NAV2: variants seen among roughly 807,000 people sequenced by gnomAD.
NAV2 encodes the protein neuron navigator 2.
Under a neutral mutation model 223.2 loss-of-function variants are expected in NAV2, and 54 were observed. The ratio of observed to expected loss-of-function variants is 0.24; its 90% CI spans 0.19 to 0.30. The LOEUF (loss-of-function observed/expected upper bound fraction) is 0.30, where lower values mean the gene tolerates loss of function less well. Among genes scored for constraint, NAV2 ranks in the 10% least tolerant of loss-of-function variants. The pLI is 1.00. For synonymous variants in NAV2, 1,279 were observed against 1,239.3 expected (o/e 1.03, Z -0.67); for missense variants, 2,806 against 3,147.5 (o/e 0.89, Z 2.60).
chr11:20,103,837 A>G, intron 34 of NAV2, 113 bp downstream of exon 34: 1 of 953,518 alleles, frequency 1.0e-6, no homozygotes, highest in South Asian at 1.4e-5. Context: ...AGGTATTGTT[A>G]AGCATTTTTC....
At chr11:19,635,810 T>C (rs959475766) in intron 1 of NAV2, among the ~76,000 whole-genome samples, 2 of 152,324 alleles carry the variant, frequency 1.3e-5, no homozygotes, top group Non-Finnish European at 2.9e-5. Context: ...CACTATTGCA[T>C]TGGCAATTAA....
chr11:19,836,024 C>T (rs116505374), intron 2 of NAV2, among the ~76,000 whole-genome samples: 1,738 of 152,172 alleles, frequency 0.011, 30 homozygotes, highest in African/African-American at 0.039. Flanking sequence ...TTCTGGGTTC[C>T]CAACATTTAG....
intron 1 of NAV2, among the ~76,000 whole-genome samples, chr11:19,812,349 T>C (rs1325684728): frequency 6.6e-6 from 1 of 151,982 alleles, no homozygotes; most frequent in Non-Finnish European, 1.5e-5. Context: ...CCCAACCACA[T>C]TATCCCTCCA....
chr11:19,624,292 G>T (rs970089016), intron 1 of NAV2, among the ~76,000 whole-genome samples: 1 of 152,318 alleles, frequency 6.6e-6, no homozygotes, highest in African/African-American at 2.4e-5. Flanking sequence ...TCTCTTCAAA[G>T]CTGTCAGACA....
chr11:19,801,765 G>A (rs1477605146), intron 1 of NAV2, among the ~76,000 whole-genome samples: 1 of 152,104 alleles, frequency 6.6e-6, no homozygotes, highest in Admixed American at 6.5e-5. Context: ...GTAACCTTGG[G>A]CAAGTTACGT....
chr11:19,898,115 T>C (rs1009486798), intron 6 of NAV2, among the ~76,000 whole-genome samples: 5 of 152,022 alleles, frequency 3.3e-5, no homozygotes, highest in Non-Finnish European at 7.4e-5. Flanking sequence ...AAGTATTTGG[T>C]CCATATTATG....
At chr11:20,014,616 CATAGGCCAGGT>C (rs2053849100) in intron 11 of NAV2, among the ~76,000 whole-genome samples, 1 of 152,102 alleles carries the variant, frequency 6.6e-6, no homozygotes, top group Non-Finnish European at 1.5e-5. Flanking sequence ...GTTAGCCAGG[CATAGGCCAGGT>C]GCAGTGGCTC....
rs7933861 is a variant in NAV2 at position 20,054,659 on chromosome 11, G to A, written c.4642+419G>A. ...GACCTCTGAAGAAATAGATTTTATC[G>A]CATATCCCATGTTAGGTCATCCTCA... On this transcript the variant is annotated intron_variant, in intron 18 of 37. Coordinates refer to ENST00000349880, the MANE Select transcript of NAV2 (RefSeq NM_145117.5). Among the ~76,000 whole-genome samples the A allele has an allele frequency of 1.2e-3, 190 of 152,116 alleles. 1 individual carries two copies. The highest frequency in any genetic ancestry group is 4.4e-3 in the African/African-American group (181 of 41,488).
At chr11:20,072,221 C>G (rs971549627) in intron 22 of NAV2, among the ~76,000 whole-genome samples, 3 of 152,148 alleles carry the variant, frequency 2.0e-5, no homozygotes, top group African/African-American at 4.8e-5. Flanking sequence ...TTGTTTTTGT[C>G]AGGTTTGTCA....
chr11:19,842,894 A>C lies in NAV2; in HGVS notation c.409A>C (p.Asn137His). Residue 137 changes from asparagine (N) to histidine (H), a missense_variant, in exon 3 of 38, where the codon AAT (asparagine) becomes CAT (histidine). By Grantham distance (68) the Asn-to-His change is moderately conservative (BLOSUM62 1). Around this residue, in one of 4 missense-constraint regions of NAV2, gnomAD observed 1,167 missense variants for 1,180.5 expected, o/e 0.99. Coordinates refer to ENST00000349880, the MANE Select transcript of NAV2 (RefSeq NM_145117.5). Reference sequence around the variant, plus strand: ...AGCAAATGAAAAGATTGAAGACATCAATGGCTGTCCGAAGAACAGATCCCA... The same window carrying C: ...AGCAAATGAAAAGATTGAAGACATCCATGGCTGTCCGAAGAACAGATCCCA... ...VVANEKIEDI[N>H]GCPKNRSQMI... The C allele has an allele frequency of 6.2e-7, 1 of 1,614,048 alleles. No individual in the cohort carries two copies. Among genetic ancestry groups the C allele is most frequent in the Middle Eastern group, 1.6e-4 (1 of 6,062 alleles).
At chr11:20,034,259 C>G (rs571107152) in intron 11 of NAV2, among the ~76,000 whole-genome samples, 2 of 149,324 alleles carry the variant, frequency 1.3e-5, no homozygotes, top group East Asian at 4.0e-4. Context: ...ACCCTTTTCC[C>G]CTATAGGTCA....
At chr11:19,814,718 GC>G (rs2059003942) in intron 1 of NAV2, among the ~76,000 whole-genome samples, 1 of 152,118 alleles carries the variant, frequency 6.6e-6, no homozygotes, top group Admixed American at 6.5e-5. Flanking sequence ...TCCTGCCTCA[GC>G]CTTCTGGAGC....
chr11:19,405,060 C>T lies in NAV2; in HGVS notation c.75+54033C>T, dbSNP rs539698713. Among the ~76,000 whole-genome samples, 7 of 152,242 alleles carry T rather than the reference C, an allele frequency of 4.6e-5. No homozygotes were observed. In the South Asian group the frequency reaches 1.5e-3, roughly 32 times the overall value. On this transcript the variant is annotated intron_variant, in intron 1 of 37. Transcript: ENST00000360655. ...GCTAACTTTCATAAATATTTTGTCC[C>T]TGGTCCGTGGAAGACAGGAATTAGT...
intron 20 of NAV2, among the ~76,000 whole-genome samples, chr11:20,064,208 G>T (rs2058891705): frequency 1.3e-5 from 2 of 152,080 alleles, no homozygotes; most frequent in Admixed American, 1.3e-4. Flanking sequence ...TGAAACTGTG[G>T]GATATGGGTA....
rs16936792 is a variant in NAV2, at chr11:19,466,251, G to T, written c.75+115224G>T. 3.9e-3 allele frequency among the ~76,000 whole-genome samples: 596 copies of T among 152,266 alleles called. 2 individuals are homozygous for T. The highest frequency in any genetic ancestry group is 0.014 in the African/African-American group (567 of 41,538). On this transcript the variant is annotated intron_variant, in intron 1 of 37. Coordinates refer to the NAV2 transcript ENST00000360655. ...ATATTTCATTTGTCTGTATTGGTGGGATTTCCCCTCCTGTGACCTCGATGC... is the reference window on the plus strand; with the variant it reads ...ATATTTCATTTGTCTGTATTGGTGGTATTTCCCCTCCTGTGACCTCGATGC...
At chr11:19,542,366 G>A (rs1334096279) in intron 1 of NAV2, among the ~76,000 whole-genome samples, 2 of 152,228 alleles carry the variant, frequency 1.3e-5, no homozygotes, top group Non-Finnish European at 2.9e-5. Flanking sequence ...CTCAGAATGA[G>A]TGAAACAAGT....
chr11:19,579,852 G>C (rs887778752), intron 1 of NAV2, among the ~76,000 whole-genome samples: 29 of 152,184 alleles, frequency 1.9e-4, no homozygotes, highest in African/African-American at 6.5e-4. Context: ...TTGGAGACAA[G>C]AGGCTCTGAG....
intron 6 of NAV2, among the ~76,000 whole-genome samples, chr11:19,912,476 G>A (rs1374692649): frequency 2.0e-5 from 3 of 152,140 alleles, no homozygotes; most frequent in Admixed American, 1.3e-4. Context: ...AATGCCTGAC[G>A]CCCCTTACCC....
intron 1 of NAV2, among the ~76,000 whole-genome samples, chr11:19,630,523 C>G (rs1272421955): frequency 1.3e-5 from 2 of 152,128 alleles, no homozygotes; most frequent in Non-Finnish European, 1.5e-5. Flanking sequence ...AGCAGGACCC[C>G]CACTTCTACC....
Sources: allele counts gnomAD v4.1 joint callset (sites outside exome capture counted in the v4.1 genomes callset), GRCh38; gene constraint gnomAD v4.1.1; regional missense constraint gnomAD v4.1.1; transcripts MANE v1.5; gene names NCBI Gene and HGNC (gene_info 2026-07-23, HGNC 2026-07-21).